Variants in PRKN observed in about 807,000 individuals in gnomAD.
The protein encoded by PRKN is parkin RBR E3 ubiquitin protein ligase, also known as E3 ubiquitin-protein ligase parkin.
A neutral mutation model predicts 59.5 loss-of-function variants in PRKN; 56 were observed. That is an observed-to-expected ratio of 0.94 (90% CI 0.76 to 1.18). The LOEUF is 1.18. PRKN is among the 50% of genes most tolerant of loss of function. The probability of loss-of-function intolerance (pLI) is 0.00; values close to 1 mark genes in which losing one functional copy is unlikely to be tolerated. For synonymous variants in PRKN, 250 were observed against 222.1 expected (o/e 1.13, Z -1.12); for missense variants, 657 against 596.4 (o/e 1.10, Z -1.06).
intron 4 of PRKN, among the ~76,000 whole-genome samples, chr6:162,133,549 G>C (rs1781455544): frequency 6.6e-6 from 1 of 152,136 alleles, no homozygotes; most frequent in South Asian, 2.1e-4. Context: ...TACAAGGATG[G>C]AGAAAGGGAG....
At chr6:161,839,978 C>T (rs1292715272) in intron 6 of PRKN, among the ~76,000 whole-genome samples, 1 of 152,244 alleles carries the variant, frequency 6.6e-6, no homozygotes, top group Non-Finnish European at 1.5e-5. Flanking sequence ...GATGACATTT[C>T]TGCAAAAGAG....
chr6:161,860,988 T>C (rs139825566), intron 6 of PRKN, among the ~76,000 whole-genome samples: 3 of 152,316 alleles, frequency 2.0e-5, no homozygotes, highest in East Asian at 3.9e-4. Flanking sequence ...GGTGGGAGTG[T>C]AAATTAGTTC....
intron 1 of PRKN, among the ~76,000 whole-genome samples, chr6:162,493,525 G>T (rs1368189347): frequency 6.6e-6 from 1 of 152,148 alleles, no homozygotes; most frequent in African/African-American, 2.4e-5. Context: ...GATATAAAAA[G>T]ATTTATCTCT....
chr6:161,478,547 T>C (rs1791235999), intron 9 of PRKN, among the ~76,000 whole-genome samples: 1 of 152,124 alleles, frequency 6.6e-6, no homozygotes, highest in African/African-American at 2.4e-5. Flanking sequence ...TTCAAAAAAT[T>C]CTGAATGATG....
chr6:162,228,807 C>T (rs1778298481), intron 3 of PRKN, among the ~76,000 whole-genome samples: 1 of 152,134 alleles, frequency 6.6e-6, no homozygotes, highest in Non-Finnish European at 1.5e-5. Flanking sequence ...AATAGAGCTC[C>T]AATCTTGCAC....
intron 1 of PRKN, among the ~76,000 whole-genome samples, chr6:162,555,249 T>C (rs554641147): frequency 9.8e-5 from 15 of 152,320 alleles, no homozygotes; most frequent in African/African-American, 3.4e-4. Flanking sequence ...TTAACAATCA[T>C]GATAATAGTA....
At chr6:161,694,829 G>A (rs369033869) in intron 7 of PRKN, among the ~76,000 whole-genome samples, 1 of 152,194 alleles carries the variant, frequency 6.6e-6, no homozygotes, top group Non-Finnish European at 1.5e-5. Context: ...GTTGTGCTGT[G>A]TAGAAAACAG....
chr6:162,103,758 C>G (rs1780074865), intron 4 of PRKN, among the ~76,000 whole-genome samples: 1 of 152,162 alleles, frequency 6.6e-6, no homozygotes, highest in Non-Finnish European at 1.5e-5. Context: ...AATGAAGGGA[C>G]CTAGCCTCAG....
At chr6:161,729,962 G>C (rs1787608234) in intron 7 of PRKN, among the ~76,000 whole-genome samples, 1 of 152,010 alleles carries the variant, frequency 6.6e-6, no homozygotes, top group Non-Finnish European at 1.5e-5. Context: ...GTTGCATTCT[G>C]ATGTGTTGCA....
Position 161,487,647 on chromosome 6 carries a change from T to C in PRKN, c.1083+61207A>G, listed in dbSNP as rs1336418250. Among the ~76,000 whole-genome samples the C allele has an allele frequency of 6.6e-6, 1 of 152,226 alleles. No individual in the cohort carries two copies. The highest frequency in any genetic ancestry group is 1.9e-4 in the East Asian group (1 of 5,190). On this transcript the variant is annotated intron_variant, in intron 9 of 11. Coordinates refer to ENST00000366898, the MANE Select transcript of PRKN (RefSeq NM_004562.3). The surrounding 1 kb of genome is among the most constrained non-coding windows in gnomAD (Gnocchi z 5.3). Reference sequence around the variant, plus strand: ...TAGTTGAATAATATTAAATATTGACTACTGATATGATAATATGTGTATTCA... The same window carrying C: ...TAGTTGAATAATATTAAATATTGACCACTGATATGATAATATGTGTATTCA...
chr6:161,642,468 T>G (rs7761805), intron 7 of PRKN, among the ~76,000 whole-genome samples: 42,294 of 152,058 alleles, frequency 0.28, 6,124 homozygotes, highest in Non-Finnish European at 0.32. Context: ...TGGACTGTAA[T>G]AGAGAATTTC....
chr6:162,280,400 AT>A (rs940757509), intron 2 of PRKN, among the ~76,000 whole-genome samples: 2 of 152,178 alleles, frequency 1.3e-5, no homozygotes, highest in Non-Finnish European at 2.9e-5. Context: ...GGGGAAATTT[AT>A]AGTACTAAAT....
intron 7 of PRKN, among the ~76,000 whole-genome samples, chr6:161,757,531 A>C (rs1788978093): frequency 6.6e-6 from 1 of 152,092 alleles, no homozygotes; most frequent in Admixed American, 6.6e-5. Flanking sequence ...AGAGAATGGC[A>C]AATAAACACA....
At chr6:162,051,271 G>A (rs905826390) in intron 5 of PRKN, among the ~76,000 whole-genome samples, 3 of 152,098 alleles carry the variant, frequency 2.0e-5, no homozygotes, top group South Asian at 2.1e-4. Context: ...AGGAGAGGCC[G>A]TCTATGCGAG....
At chr6:161,831,830 C>T (rs1792510320) in intron 6 of PRKN, among the ~76,000 whole-genome samples, 1 of 152,190 alleles carries the variant, frequency 6.6e-6, no homozygotes, top group African/African-American at 2.4e-5. Context: ...GGGTCTGCCA[C>T]AGCCCTTTCC....
intron 7 of PRKN, among the ~76,000 whole-genome samples, chr6:161,757,840 T>TCA (rs1273935807): frequency 1.0e-5 from 1 of 100,132 alleles, no homozygotes; most frequent in Non-Finnish European, 1.9e-5. Flanking sequence ...TCCATCTCTC[T>TCA]CTCTCTCTCT....
At chr6:161,927,512 T>C (rs1017550773) in intron 6 of PRKN, among the ~76,000 whole-genome samples, 5 of 152,192 alleles carry the variant, frequency 3.3e-5, no homozygotes, top group African/African-American at 1.2e-4. Context: ...CCACTTTAAT[T>C]ATATTTGAAT....
intron 9 of PRKN, among the ~76,000 whole-genome samples, chr6:161,479,796 G>A (rs902179010): frequency 6.6e-6 from 1 of 152,196 alleles, no homozygotes; most frequent in Non-Finnish European, 1.5e-5. Context: ...GGTCACTGGG[G>A]CACCCCCTCC....
intron 5 of PRKN, among the ~76,000 whole-genome samples, chr6:162,026,406 T>C (rs914351627): frequency 6.6e-6 from 1 of 152,218 alleles, no homozygotes; most frequent in Non-Finnish European, 1.5e-5. Context: ...AACCAGAATG[T>C]AGGTCCTGTA....
Sources: allele counts gnomAD v4.1 joint callset (sites outside exome capture counted in the v4.1 genomes callset), GRCh38; gene constraint gnomAD v4.1.1; non-coding constraint Gnocchi (gnomAD v3.1); transcripts MANE v1.5; gene names NCBI Gene and HGNC (gene_info 2026-07-23, HGNC 2026-07-21).